The following ADGRL2 variants were observed in gnomAD, a reference collection of about 807,000 sequenced individuals.
ADGRL2 encodes calcium-independent alpha-latrotoxin receptor 2.
ADGRL2 carries 44 observed loss-of-function variants against 157.4 expected under a neutral mutation model. That is an observed-to-expected ratio of 0.28 (90% CI 0.22 to 0.36). ADGRL2 has a LOEUF of 0.36. ADGRL2 is among the 10% of genes least tolerant of loss of function. ADGRL2 has a pLI of 1.00. For synonymous variants in ADGRL2, 585 were observed against 624.7 expected (o/e 0.94, Z 0.95); for missense variants, 1,510 against 1,768.9 (o/e 0.85, Z 2.63).
intron 1 of ADGRL2, among the ~76,000 whole-genome samples, chr1:81,419,350 T>G (rs1423216896): frequency 6.6e-6 from 1 of 152,030 alleles, no homozygotes; most frequent in Non-Finnish European, 1.5e-5. Flanking sequence ...ATTACAGGTG[T>G]CCACCACCAC....
chr1:81,958,717 T>C (rs946372299), intron 11 of ADGRL2, among the ~76,000 whole-genome samples: 2 of 152,200 alleles, frequency 1.3e-5, no homozygotes, highest in South Asian at 4.1e-4. Context: ...TACACTCTTA[T>C]GATCATCAGC....
intron 20 of ADGRL2, 50 bp downstream of exon 20, chr1:81,984,761 C>G (rs760983223): frequency 1.3e-6 from 2 of 1,592,250 alleles, no homozygotes; most frequent in Non-Finnish European, 1.7e-6. Flanking sequence ...TATAGAAAAC[C>G]TACTGAGACA....
chr1:81,425,556 G>A (rs562439780), intron 1 of ADGRL2, among the ~76,000 whole-genome samples: 95 of 152,248 alleles, frequency 6.2e-4, no homozygotes, highest in South Asian at 1.9e-3. Context: ...TATAACAAAA[G>A]ACACAAATGT....
chr1:81,760,649 G>C (rs1055678966), intron 1 of ADGRL2, among the ~76,000 whole-genome samples: 5 of 151,508 alleles, frequency 3.3e-5, no homozygotes, highest in African/African-American at 1.2e-4. Flanking sequence ...AGCCAAAGCT[G>C]CCACATTTGA....
intron 3 of ADGRL2, among the ~76,000 whole-genome samples, chr1:81,684,099 G>C (rs1464794384): frequency 6.6e-6 from 1 of 152,182 alleles, no homozygotes; most frequent in Non-Finnish European, 1.5e-5. Flanking sequence ...ACAGGCGTGA[G>C]CCACTGCGCC....
chr1:81,448,112 C>CTTTTCT (rs1185753884), intron 2 of ADGRL2, among the ~76,000 whole-genome samples: 29 of 141,610 alleles, frequency 2.0e-4, no homozygotes, highest in Non-Finnish European at 3.1e-4. Context: ...AATTAAACCT[C>CTTTTCT]TTTTCTTTTT....
chr1:81,616,489 C>CT (rs1263700320), intron 3 of ADGRL2, among the ~76,000 whole-genome samples: 2 of 152,032 alleles, frequency 1.3e-5, no homozygotes, highest in African/African-American at 4.8e-5. Context: ...AGTGTAGAAT[C>CT]TTTTTCAGAA....
At chr1:81,579,691 C>A (rs2080867031) in intron 2 of ADGRL2, among the ~76,000 whole-genome samples, 1 of 151,964 alleles carries the variant, frequency 6.6e-6, no homozygotes, top group African/African-American at 2.4e-5. Context: ...AGCATCATAA[C>A]CCATAAATAA....
At chr1:81,630,391 G>T (rs11799486) in intron 3 of ADGRL2, among the ~76,000 whole-genome samples, 10 of 152,002 alleles carry the variant, frequency 6.6e-5, no homozygotes, top group Non-Finnish European at 8.8e-5. Flanking sequence ...CTTTTTGAGC[G>T]CCTACTCCAT....
At chr1:81,490,117 G>T (rs889161321) in intron 2 of ADGRL2, among the ~76,000 whole-genome samples, 2 of 149,846 alleles carry the variant, frequency 1.3e-5, no homozygotes, top group Non-Finnish European at 1.5e-5. Context: ...TGATTTGAGC[G>T]ACTTAACATA....
At chr1:81,693,193 C>G (rs1570854328) in intron 3 of ADGRL2, among the ~76,000 whole-genome samples, 1 of 152,170 alleles carries the variant, frequency 6.6e-6, no homozygotes, top group East Asian at 1.9e-4. Flanking sequence ...AGAGCTCACG[C>G]ATTCCCATGT....
intron 2 of ADGRL2, among the ~76,000 whole-genome samples, chr1:81,448,403 C>T (rs1408304710): frequency 6.6e-6 from 1 of 152,082 alleles, no homozygotes; most frequent in Non-Finnish European, 1.5e-5. Flanking sequence ...ACCTCGGCCT[C>T]CCAAAGTGCT....
At chr1:81,665,390 T>A (rs2082732471) in intron 3 of ADGRL2, among the ~76,000 whole-genome samples, 1 of 152,198 alleles carries the variant, frequency 6.6e-6, no homozygotes, top group African/African-American at 2.4e-5. Flanking sequence ...TCTCTCTTAA[T>A]AAACTAATAC....
At position 81,362,998 on chromosome 1, in the gene ADGRL2, T is replaced by C. The variant is rs981403301; in HGVS notation, c.-302+56489T>C. ...ACAGATACACATGTATATCATCATATTGTATTCACCATAAATAATTATTTT... is the reference window on the plus strand; with the variant it reads ...ACAGATACACATGTATATCATCATACTGTATTCACCATAAATAATTATTTT... On this transcript the variant is annotated intron_variant, in intron 1 of 24. Coordinates refer to the ADGRL2 transcript ENST00000370721. Among the ~76,000 whole-genome samples, 4 of 152,082 alleles carry C rather than the reference T, an allele frequency of 2.6e-5. No homozygotes were observed. In the East Asian group the frequency reaches 7.7e-4, roughly 29 times the overall value.
chr1:81,803,434 T>C lies in ADGRL2; in HGVS notation c.-101+2366T>C, dbSNP rs182569635. Among the ~76,000 whole-genome samples the C allele has an allele frequency of 4.6e-3, 704 of 151,588 alleles. 25 individuals carry two copies. Among genetic ancestry groups the C allele is most frequent in the Admixed American group, 0.036 (543 of 15,256 alleles). On this transcript the variant is annotated intron_variant, in intron 1 of 23. Coordinates refer to ENST00000686636, the MANE Select transcript of ADGRL2 (RefSeq NM_001366006.2). ...AGTGTCGCTGAGTGGAGGCTTTTTT[T>C]CCCCCCCTCCAATCCTCTGTTCACT...
intron 5 of ADGRL2, 172 bp from the exon 6 acceptor site, chr1:81,942,797 T>C (rs1209438305): frequency 1.5e-6 from 1 of 681,420 alleles, no homozygotes; most frequent in Admixed American, 2.1e-5. Context: ...CCTGATACAC[T>C]GATTATGCTA....
At chr1:81,461,965 A>G (rs1374131503) in intron 2 of ADGRL2, among the ~76,000 whole-genome samples, 3 of 149,886 alleles carry the variant, frequency 2.0e-5, no homozygotes, top group South Asian at 2.1e-4. Flanking sequence ...AGAGAGACAA[A>G]GGAAGGGAAA....
intron 1 of ADGRL2, among the ~76,000 whole-genome samples, chr1:81,825,545 A>G (rs1167144071): frequency 4.0e-5 from 6 of 151,268 alleles, no homozygotes; most frequent in East Asian, 2.0e-4. Context: ...GGATTTCACC[A>G]TCTTGGCCAA....
At chr1:81,907,425 A>C (rs544670831) in intron 3 of ADGRL2, among the ~76,000 whole-genome samples, 195 bp downstream of exon 3, 3 of 152,344 alleles carry the variant, frequency 2.0e-5, no homozygotes, top group Admixed American at 2.0e-4. Context: ...TCATTCTAAT[A>C]TAGCTTGACA....
Sources: allele counts gnomAD v4.1 joint callset (sites outside exome capture counted in the v4.1 genomes callset), GRCh38; gene constraint gnomAD v4.1.1; transcripts MANE v1.5; gene names NCBI Gene and HGNC (gene_info 2026-07-23, HGNC 2026-07-21).